ANKRD12: variants seen among roughly 807,000 people sequenced by gnomAD.
ANKRD12 encodes the protein ankyrin repeat domain-containing protein 12.
In ANKRD12, 85 loss-of-function variants were observed where a neutral mutation model predicts 183.4. The observed-to-expected ratio is 0.46, with a 90% CI of 0.39 to 0.56. ANKRD12 has a LOEUF of 0.56. Ranked by LOEUF, ANKRD12 falls within the 20% of genes least tolerant of loss-of-function variation. ANKRD12 has a pLI of 0.00. For missense variants in ANKRD12, 2,405 were observed against 2,357.1 expected (o/e 1.02, Z -0.42); for synonymous variants, 914 against 800.2 (o/e 1.14, Z -2.40).
intron 4 of ANKRD12, among the ~76,000 whole-genome samples, chr18:9,205,918 A>G (rs2144569687): frequency 6.6e-6 from 1 of 152,246 alleles, no homozygotes; most frequent in Non-Finnish European, 1.5e-5. Context: ...GTTCCCTAAG[A>G]AAAACAATTT....
chr18:9,195,319 C>A (rs1290051939), intron 2 of ANKRD12, among the ~76,000 whole-genome samples: 6 of 151,910 alleles, frequency 3.9e-5, no homozygotes, highest in Non-Finnish European at 7.4e-5. Context: ...GCACAGGTAC[C>A]CCTGAACGTA....
At chr18:9,248,365 G>T (rs1299360403) in intron 8 of ANKRD12, among the ~76,000 whole-genome samples, 1 of 152,062 alleles carries the variant, frequency 6.6e-6, no homozygotes. Flanking sequence ...TAACAATTTT[G>T]CCCATAATTT....
chr18:9,228,548 GAT>G (rs2036855664), intron 8 of ANKRD12, among the ~76,000 whole-genome samples: 1 of 152,080 alleles, frequency 6.6e-6, no homozygotes, highest in Non-Finnish European at 1.5e-5. Flanking sequence ...TTGTGATTTT[GAT>G]ACCTTTCCCT....
intron 1 of ANKRD12, among the ~76,000 whole-genome samples, chr18:9,178,242 G>A (rs2033431279): frequency 6.6e-6 from 1 of 152,082 alleles, no homozygotes; most frequent in Non-Finnish European, 1.5e-5. Flanking sequence ...TAGAAGTGGT[G>A]TAGTTTTAGC....
At chr18:9,225,555 C>T (rs958325162) in intron 8 of ANKRD12, among the ~76,000 whole-genome samples, 1 of 151,650 alleles carries the variant, frequency 6.6e-6, no homozygotes, top group African/African-American at 2.4e-5. Flanking sequence ...TTTCCCCCTA[C>T]TCTGTCCTGA....
intron 1 of ANKRD12, among the ~76,000 whole-genome samples, chr18:9,159,535 C>T (rs1334590006): frequency 1.3e-5 from 2 of 151,624 alleles, no homozygotes; most frequent in Non-Finnish European, 2.9e-5. Context: ...GGGTTCCTGC[C>T]ATTCTCCTGC....
Position 9,254,735 on chromosome 18 carries a change from C to G in ANKRD12, c.1468C>G (p.Gln490Glu). 1.3e-6 allele frequency: 2 copies of G among 1,485,518 alleles called. No individual in the cohort carries two copies. The highest frequency in any genetic ancestry group is 1.4e-5 in the African/African-American group (1 of 69,736). The allele number at this position is 1,485,518 out of a possible 1,614,324, so 92.0% of individuals were successfully genotyped here. Residue 490 changes from glutamine to glutamate, a missense_variant, in exon 9 of 13, where the codon CAA (glutamine) becomes GAA (glutamate). Physicochemically the swap from Gln to Glu is conservative, Grantham distance 29. Transcript: ENST00000262126. ...NKNKENQELK[Q>E]EKEGKENTRI... ...AAATAAAGAGAACCAAGAGCTAAAG[C>G]AAGAAAAGGAAGGAAAAGAAAATAC...
intron 1 of ANKRD12, among the ~76,000 whole-genome samples, chr18:9,138,112 C>T (rs879791220): frequency 6.6e-6 from 1 of 152,202 alleles, no homozygotes; most frequent in Non-Finnish European, 1.5e-5. Context: ...TTGAAATGAG[C>T]CTGCATCTGC....
intron 10 of ANKRD12, among the ~76,000 whole-genome samples, chr18:9,270,362 C>T (rs1221473307): frequency 2.0e-5 from 3 of 152,084 alleles, no homozygotes; most frequent in Non-Finnish European, 4.4e-5. Context: ...TAGAACCAAC[C>T]CAAATGTCCA....
intron 8 of ANKRD12, among the ~76,000 whole-genome samples, chr18:9,253,915 T>C (rs1427099054): frequency 6.6e-6 from 1 of 152,324 alleles, no homozygotes; most frequent in South Asian, 2.1e-4. Flanking sequence ...CACGCTTCTA[T>C]GTTGACTGCA....
chr18:9,285,224 GAAAGA>G lies in ANKRD12; in HGVS notation c.*4107_*4111del, dbSNP rs912049031. The G allele has an allele frequency of 2.1e-4, 26 of 123,954 alleles. No individual in the cohort carries two copies. The highest frequency in any genetic ancestry group is 3.4e-4 in the African/African-American group (12 of 35,068). 7.7% of individuals were successfully genotyped at this position (123,954 alleles called of 1,614,324 possible). ...ACTCCGTCTCAAAAAAAAAAAAAAAGAAAGAAAAGAAAATAGGCCAATATGGTGAA... is the reference window on the plus strand; with the variant it reads ...ACTCCGTCTCAAAAAAAAAAAAAAAGAAAGAAAATAGGCCAATATGGTGAA... On this transcript the variant is annotated 3_prime_UTR_variant, in exon 13 of 13. Coordinates refer to ENST00000262126, the MANE Select transcript of ANKRD12 (RefSeq NM_015208.5).
At chr18:9,222,135 C>T in intron 8 of ANKRD12, 136 bp downstream of exon 8, 11 of 1,067,954 alleles carry the variant, frequency 1.0e-5, no homozygotes, top group South Asian at 1.6e-5. Context: ...GCTTAGCTAA[C>T]TAGCTAAGAA....
intron 2 of ANKRD12, among the ~76,000 whole-genome samples, chr18:9,194,455 C>T (rs1048173758): frequency 5.3e-5 from 8 of 152,020 alleles, no homozygotes; most frequent in Admixed American, 6.5e-5. Context: ...CTCCCAGATT[C>T]AAGTGATTCT....
chr18:9,149,143 T>C (rs894652419), intron 1 of ANKRD12, among the ~76,000 whole-genome samples: 3 of 152,242 alleles, frequency 2.0e-5, no homozygotes, highest in Non-Finnish European at 4.4e-5. Context: ...CTTGCTTACA[T>C]AGCATTTATT....
At chr18:9,277,994 A>G (rs2039933442) in intron 11 of ANKRD12, among the ~76,000 whole-genome samples, 2 of 152,234 alleles carry the variant, frequency 1.3e-5, no homozygotes, top group Admixed American at 6.5e-5. Flanking sequence ...TTTGTGGATC[A>G]TAAGCCTGAT....
At chr18:9,273,122 A>G (rs2039684192) in intron 10 of ANKRD12, among the ~76,000 whole-genome samples, 1 of 152,214 alleles carries the variant, frequency 6.6e-6, no homozygotes, top group Admixed American at 6.5e-5. Flanking sequence ...TACAGGTCCC[A>G]GGGTTATCCC....
chr18:9,235,327 CA>C (rs2037282273), intron 8 of ANKRD12, among the ~76,000 whole-genome samples: 2 of 152,104 alleles, frequency 1.3e-5, no homozygotes, highest in South Asian at 4.1e-4. Context: ...TGCCTGTTAA[CA>C]AAAACAAAAA....
chr18:9,183,335 T>A (rs1488279716), intron 2 of ANKRD12, among the ~76,000 whole-genome samples: 1 of 152,104 alleles, frequency 6.6e-6, no homozygotes, highest in Non-Finnish European at 1.5e-5. Context: ...TAGATCACTT[T>A]GAGTTGTATT....
chr18:9,204,795 A>C (rs1349427218), intron 4 of ANKRD12, among the ~76,000 whole-genome samples: 1 of 152,174 alleles, frequency 6.6e-6, no homozygotes, highest in Non-Finnish European at 1.5e-5. Flanking sequence ...TTTACAGCAC[A>C]ATGTGGGGAA....
Sources: allele counts gnomAD v4.1 joint callset (sites outside exome capture counted in the v4.1 genomes callset), GRCh38; gene constraint gnomAD v4.1.1; transcripts MANE v1.5; gene names NCBI Gene and HGNC (gene_info 2026-07-23, HGNC 2026-07-21).